Variants in LRP1B observed in about 807,000 individuals in gnomAD.
LRP1B encodes low-density lipoprotein receptor-related protein 1B.
In LRP1B, 217 loss-of-function variants were observed where a neutral mutation model predicts 556.6. The ratio of observed to expected loss-of-function variants is 0.39; its 90% confidence interval spans 0.35 to 0.44. The LOEUF is 0.44. LRP1B is among the 20% of genes least tolerant of loss of function. The pLI is 1.00. For synonymous variants in LRP1B, 2,047 were observed against 1,865.8 expected, an observed-to-expected ratio of 1.10 and a Z score of -2.50; for missense variants, 5,053 against 5,620.8, an observed-to-expected ratio of 0.90 and a Z score of 3.23.
intron 12 of LRP1B, among the ~76,000 whole-genome samples, chr2:141,017,734 C>T (rs1456684163): frequency 1.3e-5 from 2 of 151,678 alleles, no homozygotes; most frequent in African/African-American, 4.8e-5. Context: ...ATGGCTCATG[C>T]CTGTAATCCC....
chr2:140,642,277 A>G (rs1684323596), intron 41 of LRP1B, among the ~76,000 whole-genome samples: 1 of 152,184 alleles, frequency 6.6e-6, no homozygotes, highest in South Asian at 2.1e-4. Flanking sequence ...CCGAGGAGCT[A>G]CTTCATCTGT....
At chr2:140,536,449 T>C in intron 46 of LRP1B, 132 bp downstream of exon 46, 1 of 732,246 alleles carries the variant, frequency 1.4e-6, no homozygotes, top group Non-Finnish European at 2.1e-6. Flanking sequence ...CCACATCAAT[T>C]GCCTTAGATA....
chr2:140,850,436 C>T (rs1342826941), intron 28 of LRP1B, 107 bp from the exon 29 acceptor site: 5 of 622,302 alleles, frequency 8.0e-6, no homozygotes, highest in Non-Finnish European at 1.4e-5. Context: ...CCAAAAATCA[C>T]AATCAATATT....
At position 141,178,296 on chromosome 2, in the gene LRP1B, A is replaced by G. The variant is rs542530528; in HGVS notation, c.1013+10125T>C. ...AACGGGGAATCTCACAGAGAAAAAA[A>G]TAAGGCTAACAAGTGACTTCTCGAT... On this transcript the variant is annotated intron_variant, in intron 7 of 90. Transcript: ENST00000389484. 1.6e-4 allele frequency among the ~76,000 whole-genome samples: 24 copies of G among 152,242 alleles called. No individual in the cohort carries two copies. In the South Asian group the frequency reaches 4.6e-3, roughly 29 times the overall value.
intron 7 of LRP1B, 87 bp downstream of exon 7, chr2:141,188,334 A>T: frequency 7.5e-7 from 1 of 1,330,834 alleles, no homozygotes; most frequent in Non-Finnish European, 1.0e-6. Context: ...CTGTAGTCTT[A>T]TTTTCCACAA....
intron 2 of LRP1B, among the ~76,000 whole-genome samples, chr2:141,783,184 C>T (rs550740856): frequency 3.3e-5 from 5 of 152,112 alleles, no homozygotes; most frequent in South Asian, 2.1e-4. Flanking sequence ...GATAATTTAC[C>T]GTATCCCCAG....
At chr2:140,676,580 T>C (rs1040763176) in intron 41 of LRP1B, among the ~76,000 whole-genome samples, 12 of 152,296 alleles carry the variant, frequency 7.9e-5, no homozygotes, top group African/African-American at 2.6e-4. Context: ...TCATTACAAG[T>C]TTGACTTTTT....
At chr2:140,604,228 GAA>G (rs67568538) in intron 41 of LRP1B, among the ~76,000 whole-genome samples, 1,416 of 136,684 alleles carry the variant, frequency 0.01, 15 homozygotes, top group Middle Eastern at 0.058. Context: ...CACTTGCCAA[GAA>G]AAAAAAAAAA....
chr2:141,810,649 CT>C (rs1347858111), intron 1 of LRP1B, among the ~76,000 whole-genome samples: 1 of 152,042 alleles, frequency 6.6e-6, no homozygotes, highest in Non-Finnish European at 1.5e-5. Context: ...GTTAAAAATT[CT>C]GTTCCTGTTC....
At chr2:140,861,799 G>C (rs562104253) in intron 27 of LRP1B, among the ~76,000 whole-genome samples, 5 of 152,184 alleles carry the variant, frequency 3.3e-5, no homozygotes, top group Non-Finnish European at 4.4e-5. Flanking sequence ...CAAATCCAAT[G>C]AATGCATTTA....
intron 1 of LRP1B, among the ~76,000 whole-genome samples, chr2:142,003,834 T>C (rs1397023912): frequency 6.6e-6 from 1 of 152,224 alleles, no homozygotes; most frequent in Admixed American, 6.5e-5. Context: ...TGAGTTTTCT[T>C]ATGAACATGG....
chr2:140,611,864 A>G (rs1683083748), intron 41 of LRP1B, among the ~76,000 whole-genome samples: 1 of 152,094 alleles, frequency 6.6e-6, no homozygotes, highest in Non-Finnish European at 1.5e-5. Context: ...GTATGGAAAG[A>G]CCATTTGGCT....
At chr2:140,951,557 C>T (rs1490410969) in intron 19 of LRP1B, among the ~76,000 whole-genome samples, 3 of 152,060 alleles carry the variant, frequency 2.0e-5, no homozygotes, top group Admixed American at 6.6e-5. Context: ...TTATGGAACC[C>T]GAGATGTCCA....
chr2:140,912,560 C>T (rs75692572), intron 21 of LRP1B, among the ~76,000 whole-genome samples: 6,261 of 151,226 alleles, frequency 0.041, 206 homozygotes, highest in South Asian at 0.096. Context: ...TAGAAGATGC[C>T]GAAAACCATA....
chr2:141,911,189 A>C (rs1387595818), intron 1 of LRP1B, among the ~76,000 whole-genome samples: 1 of 152,164 alleles, frequency 6.6e-6, no homozygotes, highest in African/African-American at 2.4e-5. Flanking sequence ...TAAAACCCTA[A>C]GCTATGATAC....
chr2:140,302,565 T>C (rs1488113853), intron 83 of LRP1B, among the ~76,000 whole-genome samples: 1 of 152,142 alleles, frequency 6.6e-6, no homozygotes, highest in Non-Finnish European at 1.5e-5. Context: ...TGGTAAAATA[T>C]TACTTCTGAG....
At chr2:140,429,210 T>C (rs1245886723) in intron 66 of LRP1B, among the ~76,000 whole-genome samples, 4 of 152,018 alleles carry the variant, frequency 2.6e-5, no homozygotes, top group Admixed American at 2.0e-4. Context: ...GCCTATAAAC[T>C]CTCCTTACAG....
At chr2:141,327,529 A>C (rs1226273698) in intron 3 of LRP1B, among the ~76,000 whole-genome samples, 1 of 152,158 alleles carries the variant, frequency 6.6e-6, no homozygotes, top group Non-Finnish European at 1.5e-5. Flanking sequence ...CCACATCTAT[A>C]TTTTTCAGAA....
intron 5 of LRP1B, among the ~76,000 whole-genome samples, chr2:141,238,219 C>A (rs1341785008): frequency 6.6e-6 from 1 of 152,018 alleles, no homozygotes; most frequent in Non-Finnish European, 1.5e-5. Flanking sequence ...TTAAAAATCT[C>A]CTAGTGACCT....
Sources: gnomAD v4.1 joint callset for allele counts (sites outside exome capture counted in the v4.1 genomes callset) on GRCh38, gnomAD v4.1.1 for gene constraint, MANE v1.5 for transcripts, NCBI Gene and HGNC (gene_info 2026-07-23, HGNC 2026-07-21) for gene names.